The following ARSB variants were observed in gnomAD, a reference collection of about 807,000 sequenced individuals.
ARSB encodes arylsulfatase B.
In ARSB, 41 loss-of-function variants were observed where a neutral mutation model predicts 50.9. That is an observed-to-expected ratio of 0.81 (90% CI 0.63 to 1.04). ARSB has a LOEUF of 1.04. ARSB is among the 50% of genes least tolerant of loss of function. The pLI is 0.00. For synonymous variants in ARSB, 269 were observed against 284.8 expected (o/e 0.94, Z 0.56); for missense variants, 672 against 693.3 (o/e 0.97, Z 0.35).
intron 2 of ARSB, among the ~76,000 whole-genome samples, chr5:78,966,989 T>G (rs12109658): frequency 0.27 from 40,034 of 149,386 alleles, 6,596 homozygotes; most frequent in African/African-American, 0.47. Flanking sequence ...TGGATGAGAG[T>G]GGGGCACACA....
intron 5 of ARSB, chr5:78,882,851 T>C (rs529181464): frequency 2.8e-4 from 41 of 145,698 alleles, no homozygotes; most frequent in African/African-American, 9.7e-4. Flanking sequence ...TGGCACCGTG[T>C]TGGCTCACTG....
At chr5:78,972,503 T>G (rs10942882) in intron 1 of ARSB, among the ~76,000 whole-genome samples, 40,382 of 137,560 alleles carry the variant, frequency 0.29, 5,633 homozygotes, top group Middle Eastern at 0.39. Context: ...CTTAGCACAT[T>G]TGCACGCATA....
intron 6 of ARSB, chr5:78,816,264 T>C (rs1743987516): frequency 6.7e-7 from 1 of 1,493,814 alleles, no homozygotes; most frequent in Non-Finnish European, 9.1e-7. Context: ...TTCATTATTC[T>C]AGTGCCTAAC....
intron 5 of ARSB, among the ~76,000 whole-genome samples, chr5:78,860,977 C>A (rs1242802256): frequency 6.6e-6 from 1 of 152,164 alleles, no homozygotes; most frequent in Non-Finnish European, 1.5e-5. Context: ...GAGAATACTA[C>A]AAACACCTCT....
At chr5:78,792,493 T>C (rs1742993444) in intron 6 of ARSB, among the ~76,000 whole-genome samples, 1 of 152,072 alleles carries the variant, frequency 6.6e-6, no homozygotes, top group African/African-American at 2.4e-5. Flanking sequence ...GAAAAGTAAC[T>C]CAGAGAAATC....
At chr5:78,793,212 G>A (rs1367175840) in intron 6 of ARSB, among the ~76,000 whole-genome samples, 1 of 152,150 alleles carries the variant, frequency 6.6e-6, no homozygotes, top group Admixed American at 6.5e-5. Flanking sequence ...AGGACTTCCT[G>A]CCTCACCAGG....
At chr5:78,848,450 A>C (rs1454342980) in intron 5 of ARSB, among the ~76,000 whole-genome samples, 4 of 150,520 alleles carry the variant, frequency 2.7e-5, no homozygotes, top group African/African-American at 7.4e-5. Flanking sequence ...ACATTTTCTT[A>C]ATCCAGTCTA....
At chr5:78,919,275 A>G (rs1466824846) in intron 4 of ARSB, among the ~76,000 whole-genome samples, 1 of 152,164 alleles carries the variant, frequency 6.6e-6, no homozygotes, top group Non-Finnish European at 1.5e-5. Flanking sequence ...TCTGCTTACC[A>G]CAAACATCAG....
At chr5:78,841,144 C>CTAT (rs1745180642) in intron 5 of ARSB, among the ~76,000 whole-genome samples, 3 of 107,740 alleles carry the variant, frequency 2.8e-5, no homozygotes, top group African/African-American at 1.1e-4. Context: ...ACTACTACTA[C>CTAT]TACTACTACT....
At chr5:78,964,353 A>G (rs1443028271) in intron 3 of ARSB, 63 bp downstream of exon 3, 1 of 1,509,476 alleles carries the variant, frequency 6.6e-7, no homozygotes, top group African/African-American at 1.4e-5. Context: ...CTTTTCCTAC[A>G]TTTGTCTGAA....
intron 6 of ARSB, among the ~76,000 whole-genome samples, chr5:78,787,138 A>ATCTATT (rs3035252): frequency 3.6e-5 from 4 of 112,180 alleles, no homozygotes; most frequent in African/African-American, 1.3e-4. Context: ...ATCTATCTAT[A>ATCTATT]TAGATACAGG....
intron 5 of ARSB, among the ~76,000 whole-genome samples, chr5:78,857,487 G>A (rs565634621): frequency 1.8e-4 from 27 of 152,242 alleles, no homozygotes; most frequent in Non-Finnish European, 2.6e-4. Flanking sequence ...AATGACTGAC[G>A]GTGTTAATGA....
At chr5:78,925,923 T>C (rs918228594) in intron 4 of ARSB, among the ~76,000 whole-genome samples, 2 of 152,106 alleles carry the variant, frequency 1.3e-5, no homozygotes, top group Admixed American at 6.5e-5. Flanking sequence ...ACCCTCTTTT[T>C]TGGAAAAAAA....
At chr5:78,857,170 C>T (rs2112081103) in intron 5 of ARSB, among the ~76,000 whole-genome samples, 1 of 152,282 alleles carries the variant, frequency 6.6e-6, no homozygotes, top group East Asian at 1.9e-4. Context: ...ATATTCCTAC[C>T]TATTCTTCTT....
rs577934454 is a variant in ARSB, at chr5:78,907,709, C to A, written c.899-21882G>T. Among the ~76,000 whole-genome samples the A allele has an allele frequency of 2.6e-5, 4 of 152,218 alleles. No individual in the cohort carries two copies. The South Asian group carries it at 6.2e-4, about 24-fold the overall frequency. On this transcript the variant is annotated intron_variant, in intron 4 of 7. Transcript: ENST00000264914. Reference sequence around the variant, plus strand: ...GAAGACAACCACAAAGCGGGGGAGGCCACGGGTAGAGCGGTTGCACAGATG... The same window carrying A: ...GAAGACAACCACAAAGCGGGGGAGGACACGGGTAGAGCGGTTGCACAGATG...
chr5:78,962,927 C>A (rs894894209), intron 3 of ARSB, among the ~76,000 whole-genome samples: 1 of 152,104 alleles, frequency 6.6e-6, no homozygotes, highest in Non-Finnish European at 1.5e-5. Context: ...GAAGGGGAAC[C>A]AGCAGCCACA....
chr5:78,802,100 T>C (rs1743416103), intron 6 of ARSB, among the ~76,000 whole-genome samples: 1 of 151,516 alleles, frequency 6.6e-6, no homozygotes, highest in African/African-American at 2.4e-5. Flanking sequence ...CCTTCCCTGC[T>C]GCAAAGGTCT....
At chr5:78,886,086 G>A (rs1015413837) in intron 4 of ARSB, among the ~76,000 whole-genome samples, 5 of 152,062 alleles carry the variant, frequency 3.3e-5, no homozygotes, top group Non-Finnish European at 5.9e-5. Flanking sequence ...GCAGTCCCTC[G>A]ATGATATGCG....
intron 5 of ARSB, chr5:78,883,737 ACT>A (rs1311388457): frequency 6.6e-6 from 1 of 151,982 alleles, no homozygotes; most frequent in Non-Finnish European, 1.5e-5. Flanking sequence ...GAACCCATAG[ACT>A]CCACGTTGTG....
Sources: allele counts gnomAD v4.1 joint callset (sites outside exome capture counted in the v4.1 genomes callset), GRCh38; gene constraint gnomAD v4.1.1; transcripts MANE v1.5; gene names NCBI Gene and HGNC (gene_info 2026-07-23, HGNC 2026-07-21).